MTA3: variants seen among roughly 807,000 people sequenced by gnomAD.
The protein encoded by MTA3 is metastasis associated 1 family member 3.
MTA3 carries 34 observed loss-of-function variants against 83.5 expected under a neutral mutation model. The observed-to-expected ratio is 0.41, with a 90% CI of 0.31 to 0.54. The LOEUF is 0.54. MTA3 is among the 20% of genes least tolerant of loss of function. MTA3 has a pLI of 0.33. For missense variants in MTA3, 761 were observed against 726.4 expected (o/e 1.05, Z -0.55); for synonymous variants, 303 against 252.7 (o/e 1.20, Z -1.89).
chr2:42,608,435 G>A (rs895618675), intron 3 of MTA3, among the ~76,000 whole-genome samples: 1 of 152,180 alleles, frequency 6.6e-6, no homozygotes, highest in Admixed American at 6.5e-5. Flanking sequence ...CTTGCTTTGA[G>A]CTAGGTGCAT....
intron 14 of MTA3, among the ~76,000 whole-genome samples, chr2:42,715,888 A>G (rs1399731658): frequency 6.6e-6 from 1 of 152,226 alleles, no homozygotes; most frequent in East Asian, 1.9e-4. Context: ...AATAACCAAG[A>G]TGACTCATTC....
intron 4 of MTA3, among the ~76,000 whole-genome samples, chr2:42,612,188 T>C (rs1402327165): frequency 6.6e-6 from 1 of 152,188 alleles, no homozygotes; most frequent in East Asian, 1.9e-4. Flanking sequence ...AAGTTGTGTG[T>C]AACTAATGAT....
intron 16 of MTA3, among the ~76,000 whole-genome samples, chr2:42,734,440 G>A (rs150271829): frequency 5.7e-4 from 65 of 113,092 alleles, no homozygotes; most frequent in African/African-American, 2.0e-3. Context: ...TAGGTAAAGC[G>A]TGTTTCTTGT....
At chr2:42,560,742 T>C (rs1177379936) in intron 2 of MTA3, among the ~76,000 whole-genome samples, 3 of 150,766 alleles carry the variant, frequency 2.0e-5, no homozygotes, top group Non-Finnish European at 3.0e-5. Flanking sequence ...CCATCTCTAC[T>C]GGAAAAAAAA....
chr2:42,711,783 A>AGTGTGTGTGTGTGTGTGTGT (rs763894802), intron 14 of MTA3, among the ~76,000 whole-genome samples: 12 of 147,744 alleles, frequency 8.1e-5, no homozygotes, highest in African/African-American at 3.0e-4. Flanking sequence ...AGAGAGAGAG[A>AGTGTGTGTGTGTGTGTGTGT]GTGTGTGTGT....
chr2:42,573,857 C>T (rs998378751), intron 2 of MTA3, among the ~76,000 whole-genome samples: 2 of 150,938 alleles, frequency 1.3e-5, no homozygotes, highest in African/African-American at 4.9e-5. Context: ...CTCGCTCCGT[C>T]GACCAGGCTA....
chr2:42,720,066 A>G (rs1052775591), intron 15 of MTA3, among the ~76,000 whole-genome samples: 4 of 152,148 alleles, frequency 2.6e-5, no homozygotes, highest in East Asian at 3.8e-4. Flanking sequence ...TGAATTTGGT[A>G]TATTATCTAG....
chr2:42,548,420 T>C (rs1214111634), intron 2 of MTA3, among the ~76,000 whole-genome samples: 3 of 151,888 alleles, frequency 2.0e-5, no homozygotes, highest in Non-Finnish European at 2.9e-5. Context: ...GAGCCGAAAT[T>C]GCTCCACTGC....
At chr2:42,599,175 T>G (rs1319113546) in intron 3 of MTA3, among the ~76,000 whole-genome samples, 1 of 152,246 alleles carries the variant, frequency 6.6e-6, no homozygotes, top group Non-Finnish European at 1.5e-5. Flanking sequence ...TTGCATCGTG[T>G]CCATGTTTAT....
At chr2:42,607,419 G>C (rs558290401) in intron 3 of MTA3, among the ~76,000 whole-genome samples, 1 of 152,166 alleles carries the variant, frequency 6.6e-6, no homozygotes, top group African/African-American at 2.4e-5. Context: ...TTGCTGTATC[G>C]CCCAGGCTGG....
intron 3 of MTA3, among the ~76,000 whole-genome samples, chr2:42,583,521 T>A (rs183430395): frequency 1.5e-3 from 224 of 152,254 alleles, no homozygotes; most frequent in Non-Finnish European, 2.8e-3. Context: ...TTTAAAAAAC[T>A]CTTCTCATTA....
intron 2 of MTA3, among the ~76,000 whole-genome samples, chr2:42,508,759 A>G (rs1289818299): frequency 3.4e-5 from 5 of 146,786 alleles, no homozygotes; most frequent in Non-Finnish European, 7.5e-5. Context: ...TATATATTAT[A>G]TAGTATTATA....
chr2:42,501,659 G>A (rs936961760), intron 2 of MTA3, among the ~76,000 whole-genome samples: 2 of 152,156 alleles, frequency 1.3e-5, no homozygotes, highest in African/African-American at 2.4e-5. Flanking sequence ...GCCAAGCAAG[G>A]AGAATCGGAC....
At chr2:42,510,586 CA>C (rs1223611588) in intron 2 of MTA3, among the ~76,000 whole-genome samples, 1 of 152,174 alleles carries the variant, frequency 6.6e-6, no homozygotes, top group Non-Finnish European at 1.5e-5. Context: ...ATCTTAATGA[CA>C]CTGTCATGAA....
At chr2:42,560,184 G>T (rs1215092471) in intron 2 of MTA3, among the ~76,000 whole-genome samples, 1 of 151,952 alleles carries the variant, frequency 6.6e-6, no homozygotes. Flanking sequence ...CACCACGCCC[G>T]GCTAATTTTG....
intron 16 of MTA3, among the ~76,000 whole-genome samples, chr2:42,738,086 A>G (rs1396232433): frequency 6.6e-6 from 1 of 152,164 alleles, no homozygotes; most frequent in Admixed American, 6.6e-5. Flanking sequence ...ACATGCTGAA[A>G]CCTTGTCCCT....
intron 2 of MTA3, among the ~76,000 whole-genome samples, chr2:42,510,876 G>C (rs571831344): frequency 6.6e-6 from 1 of 152,150 alleles, no homozygotes; most frequent in East Asian, 1.9e-4. Context: ...GATTCTGTTC[G>C]GAAGAAAAAT....
chr2:42,521,751 C>CTTTTTTTTTTTTTTTTTTT, intron 2 of MTA3, among the ~76,000 whole-genome samples: 1 of 106,400 alleles, frequency 9.4e-6, no homozygotes, highest in Non-Finnish European at 1.8e-5. Context: ...ATCTTTCTCT[C>CTTTTTTTTTTTTTTTTTTT]TTTTTTTTTT....
intron 2 of MTA3, among the ~76,000 whole-genome samples, chr2:42,575,252 A>G (rs952106568): frequency 5.9e-5 from 9 of 151,928 alleles, no homozygotes; most frequent in Admixed American, 5.3e-4. Flanking sequence ...TTTCCATATC[A>G]TTTATCACCT....
Sources: gnomAD v4.1 joint callset for allele counts (sites outside exome capture counted in the v4.1 genomes callset) on GRCh38, gnomAD v4.1.1 for gene constraint, MANE v1.5 for transcripts, NCBI Gene and HGNC (gene_info 2026-07-23, HGNC 2026-07-21) for gene names.